IL1RAPL1: variants seen among roughly 807,000 people sequenced by gnomAD.
The protein encoded by IL1RAPL1 is interleukin-1 receptor accessory protein-like 1.
A neutral mutation model predicts 48.4 loss-of-function variants in IL1RAPL1; 3 were observed. The observed-to-expected ratio is 0.06, with a 90% CI of 0.03 to 0.16. The LOEUF is 0.16. Among genes scored for constraint, IL1RAPL1 ranks in the 10% least tolerant of loss-of-function variants. The pLI is 1.00. For missense variants in IL1RAPL1, 349 were observed against 530.6 expected (o/e 0.66, Z 3.36); for synonymous variants, 185 against 187.7 (o/e 0.99, Z 0.12).
chrX:28,622,116 A>T, intron 1 of IL1RAPL1, among the ~76,000 whole-genome samples: 1 of 111,789 alleles, frequency 8.9e-6, no homozygotes, highest in East Asian at 2.8e-4. Context: ...CCTAGTTGAG[A>T]AAATAAAGAG....
At chrX:29,336,268 C>T (rs1445981556) in intron 3 of IL1RAPL1, among the ~76,000 whole-genome samples, 3 of 5,199 alleles carry the variant, frequency 5.8e-4, no homozygotes, top group Non-Finnish European at 9.1e-4. Flanking sequence ...CATATATATG[C>T]CATATATATA....
At chrX:29,916,889 T>C (rs1374997031) in intron 6 of IL1RAPL1, among the ~76,000 whole-genome samples, 3 of 112,341 alleles carry the variant, frequency 2.7e-5, no homozygotes, top group Non-Finnish European at 5.6e-5. Flanking sequence ...GTCACGATTT[T>C]TGTTTTTTAA....
intron 2 of IL1RAPL1, among the ~76,000 whole-genome samples, chrX:28,918,011 G>A (rs1056504587): frequency 4.5e-5 from 5 of 112,091 alleles, no homozygotes; most frequent in Admixed American, 9.5e-5. Flanking sequence ...ATCTGCCTGA[G>A]GGCACTGTAA....
At chrX:28,890,238 G>T (rs1030588329) in intron 2 of IL1RAPL1, among the ~76,000 whole-genome samples, 1 of 111,271 alleles carries the variant, frequency 9.0e-6, no homozygotes, top group East Asian at 2.8e-4. Context: ...AAAAGCTCAG[G>T]CATTTTTAGG....
intron 2 of IL1RAPL1, among the ~76,000 whole-genome samples, chrX:28,824,901 TTA>T (rs1301294919): frequency 9.0e-6 from 1 of 111,711 alleles, no homozygotes; most frequent in Non-Finnish European, 1.9e-5. Context: ...CCAGGGTATG[TTA>T]TGCAACATAC....
chrX:28,882,731 T>C (rs1922534991), intron 2 of IL1RAPL1, among the ~76,000 whole-genome samples: 1 of 112,028 alleles, frequency 8.9e-6, no homozygotes, highest in African/African-American at 3.2e-5. Flanking sequence ...AGACCTGCCC[T>C]ACATGAAATG....
At chrX:29,353,219 G>A (rs771216719) in intron 3 of IL1RAPL1, among the ~76,000 whole-genome samples, 2 of 111,791 alleles carry the variant, frequency 1.8e-5, no homozygotes, top group East Asian at 5.6e-4. Context: ...CTCATGGGTG[G>A]AAAGAGAGTA....
At chrX:29,692,600 A>G (rs1926803144) in intron 6 of IL1RAPL1, among the ~76,000 whole-genome samples, 1 of 112,299 alleles carries the variant, frequency 8.9e-6, no homozygotes, top group Non-Finnish European at 1.9e-5. Context: ...TATTCTTGTC[A>G]CATGGAGTCA....
chrX:29,233,723 AT>A lies in IL1RAPL1; in HGVS notation c.83-49214del, dbSNP rs759550666. Among the ~76,000 whole-genome samples the A allele has an allele frequency of 8.0e-5, 9 of 112,032 alleles. No individual in the cohort carries two copies. In the South Asian group the frequency reaches 3.4e-3, roughly 43 times the overall value. ...GTTACGTTATACAGCAAAATGGAAG[AT>A]AATTTTGTGTATATAATTTAGGCTG... On this transcript the variant is annotated intron_variant, in intron 2 of 10. Coordinates refer to ENST00000378993, the MANE Select transcript of IL1RAPL1 (RefSeq NM_014271.4).
At chrX:29,878,207 A>G (rs1931949630) in intron 6 of IL1RAPL1, among the ~76,000 whole-genome samples, 1 of 111,375 alleles carries the variant, frequency 9.0e-6, no homozygotes, top group Admixed American at 9.6e-5. Context: ...CCTGTCTTAT[A>G]AAGAGCTCTG....
chrX:29,608,889 C>A, intron 5 of IL1RAPL1, among the ~76,000 whole-genome samples: 1 of 111,993 alleles, frequency 8.9e-6, no homozygotes, highest in African/African-American at 3.2e-5. Flanking sequence ...GTCATTGACA[C>A]TGACACTTGA....
At chrX:29,766,701 T>TAATATATAAATAG (rs912929897) in intron 6 of IL1RAPL1, among the ~76,000 whole-genome samples, 18 of 93,185 alleles carry the variant, frequency 1.9e-4, no homozygotes, top group Admixed American at 7.6e-4. Flanking sequence ...TATTAATATA[T>TAATATATAAATAG]AATATATAAT....
intron 5 of IL1RAPL1, among the ~76,000 whole-genome samples, chrX:29,440,086 A>G (rs5973818): frequency 0.013 from 1,399 of 109,045 alleles, 18 homozygotes; most frequent in African/African-American, 0.045. Context: ...GACTTTTGTG[A>G]ATCAAAAACC....
intron 6 of IL1RAPL1, among the ~76,000 whole-genome samples, chrX:29,860,882 C>T (rs1165616119): frequency 1.8e-5 from 2 of 111,964 alleles, no homozygotes; most frequent in Non-Finnish European, 3.8e-5. Flanking sequence ...TTTTTGTTTG[C>T]CTTTGGAAAA....
intron 6 of IL1RAPL1, among the ~76,000 whole-genome samples, chrX:29,870,378 C>T (rs112683922): frequency 0.032 from 3,604 of 111,703 alleles, 130 homozygotes; most frequent in African/African-American, 0.11. Context: ...AGTGGCACTT[C>T]CCATTCAGAG....
At chrX:28,851,832 A>C (rs1601931248) in intron 2 of IL1RAPL1, among the ~76,000 whole-genome samples, 1 of 112,558 alleles carries the variant, frequency 8.9e-6, no homozygotes, top group South Asian at 3.6e-4. Flanking sequence ...GGATCAAAAT[A>C]ATCAAAGCCA....
intron 6 of IL1RAPL1, among the ~76,000 whole-genome samples, chrX:29,807,352 C>T (rs772207071): frequency 1.8e-5 from 2 of 109,700 alleles, no homozygotes; most frequent in Non-Finnish European, 3.8e-5. Context: ...TGGTGGCTCA[C>T]GCCTGTAATC....
intron 1 of IL1RAPL1, among the ~76,000 whole-genome samples, chrX:28,643,209 T>C (rs1332696433): frequency 9.0e-6 from 1 of 111,579 alleles, no homozygotes; most frequent in Admixed American, 9.5e-5. Context: ...TAGGATCTCC[T>C]ATCAGGGTGT....
chrX:29,469,901 T>C (rs1280515696), intron 5 of IL1RAPL1, among the ~76,000 whole-genome samples: 3 of 112,046 alleles, frequency 2.7e-5, no homozygotes, highest in African/African-American at 9.7e-5. Context: ...AATAGTAATA[T>C]GGTTCATGAT....
Sources: allele counts gnomAD v4.1 joint callset (sites outside exome capture counted in the v4.1 genomes callset), GRCh38; gene constraint gnomAD v4.1.1; transcripts MANE v1.5; gene names NCBI Gene and HGNC (gene_info 2026-07-23, HGNC 2026-07-21).